Variants in BAG2 observed in about 807,000 individuals in gnomAD.
BAG2 encodes BAG cochaperone 2.
A neutral mutation model predicts 16.4 loss-of-function variants in BAG2; 8 were observed. The observed-to-expected ratio is 0.49, with a 90% CI of 0.29 to 0.88. The LOEUF is 0.88. Ranked by LOEUF, BAG2 falls within the 40% of genes least tolerant of loss-of-function variation. The probability of loss-of-function intolerance (pLI) is 0.09; values close to 1 mark genes in which losing one functional copy is unlikely to be tolerated. For synonymous variants in BAG2, 82 were observed against 89.2 expected (o/e 0.92, Z 0.46); for missense variants, 218 against 248.9 (o/e 0.88, Z 0.84).
chr6:57,180,879 C>A (rs571300925), intron 1 of BAG2, among the ~76,000 whole-genome samples: 3 of 152,112 alleles, frequency 2.0e-5, no homozygotes, highest in African/African-American at 7.2e-5. Flanking sequence ...ATGTCTGTAA[C>A]CAACAAGAAT....
intron 1 of BAG2, among the ~76,000 whole-genome samples, chr6:57,179,359 A>G (rs1764374141): frequency 6.6e-6 from 1 of 152,184 alleles, no homozygotes; most frequent in African/African-American, 2.4e-5. Flanking sequence ...TCTTATAAAC[A>G]CACTTTGACA....
In BAG2 at chr6:57,172,594, G is replaced by T. The variant is rs570861965; in HGVS notation, c.-104G>T. ...CCCCCGCGGGCGTCAGAGGGAGGGC[G>T]GGCGCCCGCGTGGTGACGGCGACGC... On this transcript the variant is annotated 5_prime_UTR_variant, in exon 1 of 3. Transcript: ENST00000370693. 7.6e-4 allele frequency: 731 copies of T among 964,312 alleles called. 7 individuals are homozygous for T. Among genetic ancestry groups the T allele is most frequent in the Non-Finnish European group, 4.0e-5 (28 of 703,024 alleles). The allele number at this position is 964,312 out of a possible 1,614,324, so 59.7% of individuals were successfully genotyped here.
intron 2 of BAG2, among the ~76,000 whole-genome samples, chr6:57,183,527 CA>C (rs1181442931): frequency 6.6e-6 from 1 of 152,160 alleles, no homozygotes; most frequent in Non-Finnish European, 1.5e-5. Flanking sequence ...CATACCTACC[CA>C]AACTTTTGCA....
chr6:57,178,795 G>A (rs951107926), intron 1 of BAG2, among the ~76,000 whole-genome samples: 1 of 151,962 alleles, frequency 6.6e-6, no homozygotes, highest in African/African-American at 2.4e-5. Context: ...GGGGGTGGGG[G>A]AGGGTCCCTA....
rs1418976747 is a variant in BAG2 at position 57,188,539 on chromosome 6, AT to A, written c.*4352del. ...TTTCTGCCAATAAAGACAAAAGACTATTTGTTGCAAAGTATTATTTTGTGCA... is the reference window on the plus strand; with the variant it reads ...TTTCTGCCAATAAAGACAAAAGACTATTGTTGCAAAGTATTATTTTGTGCA... On this transcript the variant is annotated 3_prime_UTR_variant, in exon 3 of 3. Transcript: ENST00000370693. 1 of 152,180 alleles carries A rather than the reference AT, an allele frequency of 6.6e-6. No homozygotes were observed. The highest frequency in any genetic ancestry group is 1.5e-5 in the Non-Finnish European group (1 of 68,008). 9.4% of individuals were successfully genotyped at this position (152,180 alleles called of 1,614,324 possible). A position where few individuals can be genotyped will look rare whatever the true frequency, so the allele number is the denominator to read the frequency against.
At chr6:57,183,617 T>C (rs937707941) in intron 2 of BAG2, among the ~76,000 whole-genome samples, 161 bp from the exon 3 acceptor site, 2 of 152,242 alleles carry the variant, frequency 1.3e-5, no homozygotes, top group African/African-American at 4.8e-5. Context: ...CCTCTTTCTG[T>C]AATCTAATAC....
At position 57,187,876 on chromosome 6, in the gene BAG2, G is replaced by A. The variant is rs566185462; in HGVS notation, c.*3686G>A. The A allele has an allele frequency of 1.2e-4, 18 of 151,694 alleles. No homozygotes were observed. The highest frequency in any genetic ancestry group is 3.4e-3 in the Middle Eastern group (1 of 294). The allele number at this position is 151,694 out of a possible 1,614,324, so 9.4% of individuals were successfully genotyped here. A position where few individuals can be genotyped will look rare whatever the true frequency, so the allele number is the denominator to read the frequency against. On this transcript the variant is annotated 3_prime_UTR_variant, in exon 3 of 3. Coordinates refer to ENST00000370693, the MANE Select transcript of BAG2 (RefSeq NM_004282.4). ...TTTAGCTTTATTTTGAAAAAGTAAC[G>A]TGTGCTATCAACTTTGGGCAGATAC...
intron 1 of BAG2, chr6:57,173,310 A>C (rs1764182562): frequency 1.0e-6 from 1 of 985,530 alleles, no homozygotes; most frequent in South Asian, 4.7e-5. Flanking sequence ...TGAATAAAAC[A>C]AAACCAACCC....
rs1034800126 is a variant in BAG2 at position 57,187,219 on chromosome 6, A to G, written c.*3029A>G. 19 of 152,224 alleles carry G rather than the reference A, an allele frequency of 1.2e-4. No individual in the cohort carries two copies. Among genetic ancestry groups the G allele is most frequent in the Non-Finnish European group, 2.8e-4 (19 of 68,038 alleles). 9.4% of individuals were successfully genotyped at this position (152,224 alleles called of 1,614,324 possible). ...ATTTTTTGCTTTTAAAAGACCATTT[A>G]CTAACATCCTACTGTAGATATTTCG... is the stretch of plus-strand genomic sequence containing the variant. On this transcript the variant is annotated 3_prime_UTR_variant, in exon 3 of 3. Coordinates refer to ENST00000370693, the MANE Select transcript of BAG2 (RefSeq NM_004282.4).
rs954242937 is a variant in BAG2, at chr6:57,189,547, A to G, written c.*5357A>G. 1.3e-5 allele frequency: 2 copies of G among 152,378 alleles called. No homozygotes were observed. Among genetic ancestry groups the G allele is most frequent in the Non-Finnish European group, 2.9e-5 (2 of 68,046 alleles). The allele number at this position is 152,378 out of a possible 1,614,324, so 9.4% of individuals were successfully genotyped here. On this transcript the variant is annotated 3_prime_UTR_variant, in exon 3 of 3. Transcript: ENST00000370693. The stretch of plus-strand genomic sequence containing the variant: ...GGGCTTTGGCTGACCTTATGAGAGC[A>G]GGAGCTCACCATGCTTATGGGTGAC...
chr6:57,179,217 A>T (rs1330954862), intron 1 of BAG2, among the ~76,000 whole-genome samples: 1 of 152,202 alleles, frequency 6.6e-6, no homozygotes, highest in Non-Finnish European at 1.5e-5. Flanking sequence ...ATGTTTAAGT[A>T]AATACTGAAT....
intron 1 of BAG2, 51 bp downstream of exon 1, chr6:57,172,861 T>G (rs1764163401): frequency 7.2e-7 from 1 of 1,383,746 alleles, no homozygotes; most frequent in South Asian, 1.6e-5. Flanking sequence ...CGCGGGCGGT[T>G]CGCGGGCGGT....
Position 57,184,166 on chromosome 6 carries a change from A to C in BAG2, c.612A>C (p.Gln204His), listed in dbSNP as rs750665069. The C allele has an allele frequency of 6.4e-7, 1 of 1,553,560 alleles. No individual in the cohort carries two copies. Among genetic ancestry groups the C allele is most frequent in the Non-Finnish European group, 8.6e-7 (1 of 1,158,882 alleles). Reference protein sequence around the residue: ...SKGAGSKTLQQNAESRFN With the variant: ...SKGAGSKTLQHNAESRFN ...GAGCTGGTTCCAAAACTCTGCAACA[A>C]AATGCTGAAAGCAGATTCAATTAGT... is the stretch of plus-strand genomic sequence containing the variant. Residue 204 changes from glutamine to histidine, a missense_variant, in exon 3 of 3, where the codon CAA becomes CAC. Physicochemically the swap from Gln to His is conservative, Grantham distance 24. Transcript: ENST00000370693.
At position 57,187,771 on chromosome 6, in the gene BAG2, C is replaced by T. The variant is rs1764659266; in HGVS notation, c.*3581C>T. ...ATTTATTGAGAGTTCCTTCTGAGCA[C>T]TGCACTGCCAACTTCTAAAGCAACC... On this transcript the variant is annotated 3_prime_UTR_variant, in exon 3 of 3. Transcript: ENST00000370693. 1 of 152,150 alleles carries T rather than the reference C, an allele frequency of 6.6e-6. No homozygotes were observed. Among genetic ancestry groups the T allele is most frequent in the African/African-American group, 2.4e-5 (1 of 41,432 alleles). The allele number at this position is 152,150 out of a possible 1,614,324, so 9.4% of individuals were successfully genotyped here.
intron 1 of BAG2, chr6:57,174,278 T>C: frequency 7.7e-7 from 1 of 1,297,766 alleles, no homozygotes; most frequent in East Asian, 5.6e-5. Context: ...CACTTCATTC[T>C]CCTCTCCCTT....
chr6:57,184,054 A>G lies in BAG2; in HGVS notation c.500A>G (p.Gln167Arg). The change falls in exon 3 of 3, where the codon CAG (glutamine) becomes CGG (arginine). Residue 167 changes from glutamine to arginine, a missense_variant. Physicochemically the swap from Gln to Arg is conservative, Grantham distance 43. Transcript: ENST00000370693. The part of the protein sequence containing the change: ...SIVIGCALED[Q>R]KKIKRRLETL... Reference sequence around the variant, plus strand: ...GTAATTGGCTGTGCTCTTGAAGATCAGAAGAAAATTAAGAGAAGATTAGAG... The same window carrying G: ...GTAATTGGCTGTGCTCTTGAAGATCGGAAGAAAATTAAGAGAAGATTAGAG... The G allele has an allele frequency of 1.2e-6, 2 of 1,612,454 alleles. No homozygotes were observed. Among genetic ancestry groups the G allele is most frequent in the Non-Finnish European group, 1.7e-6 (2 of 1,179,696 alleles).
rs750665069 is a variant in BAG2, at chr6:57,184,166, A to G, written c.612A>G (p.Gln204=). 2 of 1,553,442 alleles carry G rather than the reference A, an allele frequency of 1.3e-6. No homozygotes were observed. The highest frequency in any genetic ancestry group is 1.7e-6 in the Non-Finnish European group (2 of 1,158,890). The change falls in exon 3 of 3, where the codon CAA becomes CAG. Residue 204 remains glutamine, a synonymous_variant. Coordinates refer to ENST00000370693, the MANE Select transcript of BAG2 (RefSeq NM_004282.4). The part of the protein sequence containing the change: ...SKGAGSKTLQ[Q]NAESRFN ...GAGCTGGTTCCAAAACTCTGCAACAAAATGCTGAAAGCAGATTCAATTAGT... is the reference window on the plus strand; with the variant it reads ...GAGCTGGTTCCAAAACTCTGCAACAGAATGCTGAAAGCAGATTCAATTAGT...
At chr6:57,173,528 A>C (rs1190455615) in intron 1 of BAG2, 2 of 970,890 alleles carry the variant, frequency 2.1e-6, no homozygotes, top group Non-Finnish European at 2.4e-6. Flanking sequence ...GCATGAAAAG[A>C]TAGTTTTCCC....
intron 1 of BAG2, among the ~76,000 whole-genome samples, chr6:57,179,227 T>C (rs1764369847): frequency 6.6e-6 from 1 of 152,246 alleles, no homozygotes; most frequent in Non-Finnish European, 1.5e-5. Context: ...AAATACTGAA[T>C]GGTCCTGGAA....
Sources: gnomAD v4.1 joint callset for allele counts (sites outside exome capture counted in the v4.1 genomes callset) on GRCh38, gnomAD v4.1.1 for gene constraint, MANE v1.5 for transcripts, NCBI Gene and HGNC (gene_info 2026-07-23, HGNC 2026-07-21) for gene names.